The following FRMD4A variants were observed in gnomAD, a reference collection of about 807,000 sequenced individuals.
FRMD4A encodes the protein FERM domain containing 4A.
A neutral mutation model predicts 129.1 loss-of-function variants in FRMD4A; 29 were observed. The observed-to-expected ratio is 0.22, with a 90% CI of 0.17 to 0.31. FRMD4A has a LOEUF of 0.31. Among genes scored for constraint, FRMD4A ranks in the 10% least tolerant of loss-of-function variants. FRMD4A has a pLI of 1.00. For missense variants in FRMD4A, 1,272 were observed against 1,375.8 expected (o/e 0.92, Z 1.19); for synonymous variants, 634 against 571.6 (o/e 1.11, Z -1.56).
intron 12 of FRMD4A, among the ~76,000 whole-genome samples, chr10:13,722,391 T>A (rs901105660): frequency 6.0e-5 from 9 of 150,824 alleles, no homozygotes; most frequent in African/African-American, 2.2e-4. Context: ...ACCACCATAC[T>A]CGGCTAATTA....
intron 2 of FRMD4A, among the ~76,000 whole-genome samples, chr10:14,273,044 T>C (rs765722837): frequency 1.3e-5 from 2 of 150,946 alleles, no homozygotes; most frequent in Non-Finnish European, 2.9e-5. Context: ...GGCCAAACCC[T>C]GTCTTTACCA....
chr10:13,660,162 G>A (rs927401874), intron 20 of FRMD4A, among the ~76,000 whole-genome samples, 154 bp downstream of exon 20: 30 of 152,230 alleles, frequency 2.0e-4, no homozygotes, highest in Non-Finnish European at 1.3e-4. Flanking sequence ...GCAGCAGAGG[G>A]CGCTGTGAGC....
At chr10:13,797,411 C>T (rs1405049825) in intron 4 of FRMD4A, among the ~76,000 whole-genome samples, 1 of 152,064 alleles carries the variant, frequency 6.6e-6, no homozygotes, top group Non-Finnish European at 1.5e-5. Flanking sequence ...GGCAAGAGAT[C>T]CTCAGAGGGG....
chr10:14,273,173 C>T (rs543301873), intron 2 of FRMD4A, among the ~76,000 whole-genome samples: 2 of 152,160 alleles, frequency 1.3e-5, no homozygotes, highest in South Asian at 4.2e-4. Flanking sequence ...GGGAGGATTG[C>T]TTGAGCTTGG....
At chr10:14,120,558 A>G (rs1200964050) in intron 2 of FRMD4A, among the ~76,000 whole-genome samples, 1 of 152,226 alleles carries the variant, frequency 6.6e-6, no homozygotes, top group African/African-American at 2.4e-5. Flanking sequence ...TGAATGAATA[A>G]ATGAACAATG....
intron 2 of FRMD4A, among the ~76,000 whole-genome samples, chr10:14,227,243 CTTTTTTTT>C (rs10674411): frequency 4.8e-4 from 31 of 64,126 alleles, no homozygotes; most frequent in South Asian, 3.1e-3. Flanking sequence ...TCTTCTTCTT[CTTTTTTTT>C]TTTTTTTTTT....
intron 15 of FRMD4A, chr10:13,684,679 C>T (rs1048867453): frequency 1.2e-5 from 12 of 985,222 alleles, no homozygotes; most frequent in African/African-American, 7.0e-5. Flanking sequence ...TCAGGAGCCA[C>T]GCGTGGCTCA....
At chr10:13,649,981 C>G (rs2081420075) in intron 24 of FRMD4A, among the ~76,000 whole-genome samples, 1 of 152,208 alleles carries the variant, frequency 6.6e-6, no homozygotes, top group Non-Finnish European at 1.5e-5. Context: ...CCTGGGCAGT[C>G]TGGGTCACAG....
At chr10:14,279,990 G>A (rs10906644) in intron 2 of FRMD4A, among the ~76,000 whole-genome samples, 8,032 of 152,216 alleles carry the variant, frequency 0.053, 248 homozygotes, top group Middle Eastern at 0.085. Flanking sequence ...GACTCACCCA[G>A]GACTCCTGAC....
At chr10:13,842,612 T>G (rs948532564) in intron 3 of FRMD4A, among the ~76,000 whole-genome samples, 1 of 152,256 alleles carries the variant, frequency 6.6e-6, no homozygotes, top group African/African-American at 2.4e-5. Context: ...GATCTGACTT[T>G]GCACAAAGTG....
chr10:13,740,413 C>T, intron 10 of FRMD4A, 99 bp downstream of exon 10: 1 of 896,304 alleles, frequency 1.1e-6, no homozygotes, highest in Non-Finnish European at 1.9e-6. Context: ...ACCCCCCACT[C>T]CCAGATATGT....
chr10:14,200,035 T>A (rs1432957257), intron 2 of FRMD4A, among the ~76,000 whole-genome samples: 2 of 149,524 alleles, frequency 1.3e-5, no homozygotes, highest in Non-Finnish European at 3.0e-5. Flanking sequence ...TTTGTTTTTT[T>A]TTTTTTGGAG....
intron 2 of FRMD4A, among the ~76,000 whole-genome samples, chr10:14,024,229 G>A (rs1832887990): frequency 6.6e-6 from 1 of 152,244 alleles, no homozygotes; most frequent in Non-Finnish European, 1.5e-5. Flanking sequence ...AATAAATCAT[G>A]TGGACTTGGG....
At chr10:13,948,737 C>T (rs11258744) in intron 2 of FRMD4A, among the ~76,000 whole-genome samples, 17,577 of 150,200 alleles carry the variant, frequency 0.12, 1,094 homozygotes, top group Admixed American at 0.13. Flanking sequence ...CTGCAACCTC[C>T]GCCTCCCAGG....
At chr10:14,131,402 C>A (rs370651688) in intron 2 of FRMD4A, among the ~76,000 whole-genome samples, 5 of 151,870 alleles carry the variant, frequency 3.3e-5, no homozygotes, top group Admixed American at 1.3e-4. Flanking sequence ...CTGTGCCCCC[C>A]CCGGCCGCCC....
intron 2 of FRMD4A, among the ~76,000 whole-genome samples, chr10:14,002,941 T>C (rs945086882): frequency 3.9e-5 from 6 of 152,090 alleles, no homozygotes; most frequent in African/African-American, 1.4e-4. Context: ...ATGGTTGGAA[T>C]ATAACATTCC....
chr10:14,180,790 C>A (rs547863475), intron 2 of FRMD4A, among the ~76,000 whole-genome samples: 1 of 152,212 alleles, frequency 6.6e-6, no homozygotes, highest in Non-Finnish European at 1.5e-5. Context: ...CTGTGGCTCA[C>A]CCATGCGCAG....
chr10:14,107,448 A>T (rs563252933), intron 2 of FRMD4A, among the ~76,000 whole-genome samples: 1 of 152,304 alleles, frequency 6.6e-6, no homozygotes, highest in Non-Finnish European at 1.5e-5. Flanking sequence ...AGGATTTTTT[A>T]AAAAATATTT....
intron 2 of FRMD4A, among the ~76,000 whole-genome samples, chr10:14,199,708 T>A (rs1842577778): frequency 6.6e-6 from 1 of 152,182 alleles, no homozygotes; most frequent in Non-Finnish European, 1.5e-5. Context: ...ATTTACCTTT[T>A]ATTCCTTTTA....
Sources: gnomAD v4.1 joint callset for allele counts (sites outside exome capture counted in the v4.1 genomes callset) on GRCh38, gnomAD v4.1.1 for gene constraint, MANE v1.5 for transcripts, NCBI Gene and HGNC (gene_info 2026-07-23, HGNC 2026-07-21) for gene names.